The following AFAP1L2 variants were observed in gnomAD, a reference collection of about 807,000 sequenced individuals.
The protein encoded by AFAP1L2 is actin filament-associated protein 1-like 2.
Under a neutral mutation model 99.3 loss-of-function variants are expected in AFAP1L2, and 46 were observed. That is an observed-to-expected ratio of 0.46 (90% confidence interval 0.37 to 0.59). The LOEUF (loss-of-function observed/expected upper bound fraction) is 0.59. Ranked by LOEUF, AFAP1L2 falls within the 20% of genes least tolerant of loss-of-function variation. AFAP1L2 has a pLI of 0.00. For missense variants in AFAP1L2, 959 were observed against 1,034.9 expected (o/e 0.93, Z 1.01); for synonymous variants, 397 against 419.1 (o/e 0.95, Z 0.64).
At chr10:114,281,866 A>G in the AFAP1L2 span, 41 of 497,990 alleles carry the variant, frequency 8.2e-5, no homozygotes, top group African/African-American at 8.1e-4. Context: ...GTGGTCACAC[A>G]GCCAAAATCC....
At chr10:114,311,024 T>G (rs1564827338) in intron 7 of AFAP1L2, among the ~76,000 whole-genome samples, 1 of 122,940 alleles carries the variant, frequency 8.1e-6, no homozygotes, top group Non-Finnish European at 1.6e-5. Context: ...AGGAAGAGGG[T>G]CTCTCTGTAA....
intron 1 of AFAP1L2, among the ~76,000 whole-genome samples, chr10:114,359,185 A>C (rs2051845684): frequency 6.6e-6 from 1 of 152,228 alleles, no homozygotes; most frequent in South Asian, 2.1e-4. Flanking sequence ...GAGTTGTTCA[A>C]ACACTTGACA....
At chr10:114,372,405 G>A (rs190187087) in intron 1 of AFAP1L2, among the ~76,000 whole-genome samples, 4 of 152,288 alleles carry the variant, frequency 2.6e-5, no homozygotes, top group Admixed American at 1.3e-4. Context: ...GGGCTGGGCC[G>A]GGTAGGAGGG....
chr10:114,291,989 A>G (rs1160639463), downstream of AFAP1L2, among the ~76,000 whole-genome samples: 9 of 152,184 alleles, frequency 5.9e-5, no homozygotes, highest in African/African-American at 2.2e-4. Context: ...CTTTCAAAAG[A>G]GGCTGCGGCC....
intron 1 of AFAP1L2, among the ~76,000 whole-genome samples, chr10:114,387,577 G>A (rs1565069299): frequency 6.6e-6 from 1 of 152,106 alleles, no homozygotes; most frequent in Admixed American, 6.5e-5. Flanking sequence ...AGCTCTCTAA[G>A]GGCAAAATTT....
At chr10:114,333,189 T>C (rs2047474774) in intron 3 of AFAP1L2, 32 bp downstream of exon 3, 1 of 1,594,402 alleles carries the variant, frequency 6.3e-7, no homozygotes, top group Non-Finnish European at 8.6e-7. Context: ...GGAGTGGCCA[T>C]CATACCAGCG....
At chr10:114,336,033 G>A (rs2047921775) in intron 2 of AFAP1L2, among the ~76,000 whole-genome samples, 1 of 152,162 alleles carries the variant, frequency 6.6e-6, no homozygotes, top group South Asian at 2.1e-4. Context: ...TGTTTTAAAT[G>A]TTGGATTCTG....
chr10:114,331,818 G>A lies in AFAP1L2; in HGVS notation c.300C>T (p.Leu100=). The A allele has an allele frequency of 7.2e-7, 1 of 1,392,496 alleles. No individual in the cohort carries two copies. 86.3% of individuals were successfully genotyped at this position (1,392,496 alleles called of 1,614,324 possible). Residue 100 remains leucine (L), a synonymous_variant, in exon 4 of 19, where the codon CTC becomes CTT. Transcript: ENST00000304129. ...SSAPQKSLPD[L]PPPKMIPERK... The stretch of plus-strand genomic sequence containing the variant: ...TGATGCTTACCATCTTGGGTGGCGG[G>A]AGGTCTGGAAGGCTCTTCTGAGGGG...
chr10:114,349,726 TAAACTG>T (rs2050172632), intron 1 of AFAP1L2, among the ~76,000 whole-genome samples: 1 of 142,450 alleles, frequency 7.0e-6, no homozygotes, highest in Non-Finnish European at 1.5e-5. Flanking sequence ...TGAAACCCAG[TAAACTG>T]AGCCAAATGT....
At chr10:114,404,233 A>G (rs1445037161) in intron 1 of AFAP1L2, among the ~76,000 whole-genome samples, 3 of 152,214 alleles carry the variant, frequency 2.0e-5, no homozygotes, top group South Asian at 2.1e-4. Context: ...GGAGGATCAA[A>G]GGGCTCGGGC....
chr10:114,292,429 A>G (rs115267850), downstream of AFAP1L2, among the ~76,000 whole-genome samples: 913 of 152,122 alleles, frequency 6.0e-3, 6 homozygotes, highest in African/African-American at 0.021. Flanking sequence ...TTTTTAAAGC[A>G]TTGATCTTAC....
intron 1 of AFAP1L2, among the ~76,000 whole-genome samples, chr10:114,374,156 T>G (rs1356560776): frequency 1.3e-5 from 2 of 152,198 alleles, no homozygotes; most frequent in East Asian, 3.8e-4. Context: ...GAGGATGTTT[T>G]GTCGGTTATT....
chr10:114,296,007 C>G lies in AFAP1L2; in HGVS notation c.*35G>C, dbSNP rs1001140195. 2 of 1,614,118 alleles carry G rather than the reference C, an allele frequency of 1.2e-6. No homozygotes were observed. Among genetic ancestry groups the G allele is most frequent in the East Asian group, 4.5e-5 (2 of 44,882 alleles). ...AAAGCAGGATTGTCACCAAGGTCCA[C>G]ATTGACATGAGAGTCTTTAGATGAA... is the stretch of plus-strand genomic sequence containing the variant. On this transcript the variant is annotated 3_prime_UTR_variant, in exon 19 of 19. Transcript: ENST00000304129.
intron 1 of AFAP1L2, among the ~76,000 whole-genome samples, chr10:114,389,993 C>A (rs1421964623): frequency 3.3e-5 from 5 of 152,214 alleles, no homozygotes; most frequent in Non-Finnish European, 5.9e-5. Context: ...AGGCTACAAG[C>A]AAACTCATGC....
At chr10:114,291,244 T>C, downstream of AFAP1L2, 2 of 1,550,224 alleles carry the variant, frequency 1.3e-6, no homozygotes, top group Non-Finnish European at 1.7e-6. Flanking sequence ...CTGAGGCACA[T>C]GGCTCCCGTG....
chr10:114,302,303 AAG>A (rs770596842), intron 12 of AFAP1L2, 34 bp downstream of exon 12: 6 of 1,613,784 alleles, frequency 3.7e-6, no homozygotes, highest in East Asian at 4.5e-5. Context: ...GGCCAGGAAT[AAG>A]AGAGTGTACG....
At chr10:114,403,461 A>T (rs2058412800) in intron 1 of AFAP1L2, among the ~76,000 whole-genome samples, 1 of 152,174 alleles carries the variant, frequency 6.6e-6, no homozygotes, top group Admixed American at 6.5e-5. Flanking sequence ...CCAGGGGAAA[A>T]CAAATATAGA....
intron 1 of AFAP1L2, among the ~76,000 whole-genome samples, chr10:114,343,550 AGGAGGGAG>A (rs775215737): frequency 6.6e-6 from 1 of 152,166 alleles, no homozygotes; most frequent in Admixed American, 6.5e-5. Context: ...ATAACCAGCA[AGGAGGGAG>A]GGAGGGAGGC....
chr10:114,358,298 A>C (rs1003221278), intron 1 of AFAP1L2, among the ~76,000 whole-genome samples: 5 of 152,248 alleles, frequency 3.3e-5, no homozygotes, highest in African/African-American at 9.6e-5. Flanking sequence ...AGTCAAAGAA[A>C]AATAAGTCTA....
Sources: allele counts gnomAD v4.1 joint callset (sites outside exome capture counted in the v4.1 genomes callset), GRCh38; gene constraint gnomAD v4.1.1; transcripts MANE v1.5; gene names NCBI Gene and HGNC (gene_info 2026-07-23, HGNC 2026-07-21).